Variants in XXYLT1 observed in about 807,000 individuals in gnomAD.
XXYLT1 encodes the protein UDP-xylose:alpha-xyloside alpha-1,3-xylosyltransferase.
Under a neutral mutation model 28.9 loss-of-function variants are expected in XXYLT1, and 20 were observed. The observed-to-expected ratio is 0.69, with a 90% CI of 0.49 to 1.00. The LOEUF is 1.00. Among genes scored for constraint, XXYLT1 ranks in the 50% least tolerant of loss-of-function variants. XXYLT1 has a pLI of 0.00. For synonymous variants in XXYLT1, 257 were observed against 253.8 expected, an observed-to-expected ratio of 1.01 and a Z score of -0.12; for missense variants, 542 against 560.1, an observed-to-expected ratio of 0.97 and a Z score of 0.33.
chr3:195,148,391 T>C (rs987549505), intron 3 of XXYLT1, among the ~76,000 whole-genome samples: 1 of 152,076 alleles, frequency 6.6e-6, no homozygotes, highest in African/African-American at 2.4e-5. Flanking sequence ...CAAGCTTTTT[T>C]CTCCTTTACT....
intron 2 of XXYLT1, among the ~76,000 whole-genome samples, chr3:195,177,618 GCAGTAGCC>G (rs1721733696): frequency 6.6e-6 from 1 of 152,042 alleles, no homozygotes. Context: ...ACCTGCCTTA[GCAGTAGCC>G]TCAAAAAATG....
chr3:195,212,654 C>A (rs573632513), intron 2 of XXYLT1, among the ~76,000 whole-genome samples: 2 of 152,304 alleles, frequency 1.3e-5, no homozygotes, highest in East Asian at 3.9e-4. Context: ...ACTGCGCATG[C>A]GAGGGATCTA....
At chr3:195,212,409 G>C (rs563115781) in intron 2 of XXYLT1, among the ~76,000 whole-genome samples, 1 of 152,336 alleles carries the variant, frequency 6.6e-6, no homozygotes, top group South Asian at 2.1e-4. Context: ...TGGCCTTTTG[G>C]GGACACACAG....
rs1309512804 is a variant in XXYLT1 at position 195,252,717 on chromosome 3, C to CAGAGAG, written c.504+17837_504+17838insCTCTCT. 3.1e-3 allele frequency among the ~76,000 whole-genome samples: 439 copies of CAGAGAG among 139,442 alleles called. 1 individual carries two copies. The highest frequency in any genetic ancestry group is 0.013 in the African/African-American group (403 of 32,232). The allele number at this position is 139,442 out of a possible 152,430, so 91.5% of individuals were successfully genotyped here. The stretch of plus-strand genomic sequence containing the variant: ...CCACACACACACACACACACACACA[C>CAGAGAG]ACACACACACAGAGAGAGAGAGAGA... On this transcript the variant is annotated intron_variant, in intron 1 of 3. Coordinates refer to ENST00000310380, the MANE Select transcript of XXYLT1 (RefSeq NM_152531.5).
intron 3 of XXYLT1, among the ~76,000 whole-genome samples, chr3:195,097,357 T>C (rs1286823149): frequency 6.6e-6 from 1 of 152,120 alleles, no homozygotes; most frequent in African/African-American, 2.4e-5. Flanking sequence ...GTGACGCGGG[T>C]TACAGCAATG....
At position 195,069,528 on chromosome 3, in the gene XXYLT1, G is replaced by A; in HGVS notation, c.*187C>T. The A allele has an allele frequency of 1.3e-6, 1 of 775,328 alleles. No individual in the cohort carries two copies. The highest frequency in any genetic ancestry group is 1.7e-5 in the African/African-American group (1 of 57,400). The allele number at this position is 775,328 out of a possible 1,614,324, so 48.0% of individuals were successfully genotyped here. A position where few individuals can be genotyped will look rare whatever the true frequency, so the allele number is the denominator to read the frequency against. ...GAATAAGGTCCCAAGCACCAGCAGT[G>A]CACAGGCCAGTCCTTGGCGGGTGGC... On this transcript the variant is annotated 3_prime_UTR_variant, in exon 4 of 4. Transcript: ENST00000310380.
At chr3:195,245,191 C>T (rs1381518887) in intron 1 of XXYLT1, among the ~76,000 whole-genome samples, 1 of 145,572 alleles carries the variant, frequency 6.9e-6, no homozygotes, top group African/African-American at 2.6e-5. Flanking sequence ...GACGGAGTCT[C>T]GCTCTGTCAC....
chr3:195,083,829 C>A (rs1444529980), intron 3 of XXYLT1, among the ~76,000 whole-genome samples: 1 of 152,110 alleles, frequency 6.6e-6, no homozygotes, highest in African/African-American at 2.4e-5. Flanking sequence ...AGTTTGAGAC[C>A]AGCCCGGCCA....
chr3:195,233,940 GGA>G (rs779862323), intron 1 of XXYLT1, among the ~76,000 whole-genome samples: 12 of 151,974 alleles, frequency 7.9e-5, no homozygotes, highest in Non-Finnish European at 1.6e-4. Flanking sequence ...TGTTTGAGAT[GGA>G]GTCTCACTCT....
Position 195,133,327 on chromosome 3 carries a change from C to G in XXYLT1, c.785+23122G>C, listed in dbSNP as rs549765465. 1.3e-5 allele frequency among the ~76,000 whole-genome samples: 2 copies of G among 152,176 alleles called. No individual in the cohort carries two copies. Among genetic ancestry groups the G allele is most frequent in the South Asian group, 4.1e-4 (2 of 4,824 alleles). Reference sequence around the variant, plus strand: ...TGACATCGGCAGGTGGATAACTGAGCCAGCCCTTGGGGTGGGGAGTGGGAG... The same window carrying G: ...TGACATCGGCAGGTGGATAACTGAGGCAGCCCTTGGGGTGGGGAGTGGGAG... On this transcript the variant is annotated intron_variant, in intron 3 of 3. Coordinates refer to ENST00000310380, the MANE Select transcript of XXYLT1 (RefSeq NM_152531.5). This position sits in a 1 kb window ranked among gnomAD's most constrained non-coding sequence, Gnocchi z 4.4.
At chr3:195,082,511 C>T (rs62290270) in intron 3 of XXYLT1, among the ~76,000 whole-genome samples, 1,857 of 152,262 alleles carry the variant, frequency 0.012, 14 homozygotes, top group Non-Finnish European at 0.02. Flanking sequence ...CATAAACACA[C>T]GGAACCTCGT....
chr3:195,211,188 G>A (rs373912029), intron 2 of XXYLT1, among the ~76,000 whole-genome samples: 2 of 152,246 alleles, frequency 1.3e-5, no homozygotes, highest in African/African-American at 4.8e-5. Context: ...AAGGTGAGGA[G>A]TTCGAGACCA....
chr3:195,244,956 G>A lies in XXYLT1; in HGVS notation c.505-18100C>T, dbSNP rs548873494. The stretch of plus-strand genomic sequence containing the variant: ...CAAGGTGGGTGGATCACCTGAGGTC[G>A]GGAGTTCAAGACCAGCCTGACCAAC... On this transcript the variant is annotated intron_variant, in intron 1 of 3. Coordinates refer to ENST00000310380, the MANE Select transcript of XXYLT1 (RefSeq NM_152531.5). Among the ~76,000 whole-genome samples, 10 of 149,360 alleles carry A rather than the reference G, an allele frequency of 6.7e-5. No individual in the cohort carries two copies. In the South Asian group the frequency reaches 8.5e-4, roughly 13 times the overall value.
At chr3:195,071,196 C>G (rs1392688507) in intron 3 of XXYLT1, among the ~76,000 whole-genome samples, 1 of 152,178 alleles carries the variant, frequency 6.6e-6, no homozygotes, top group African/African-American at 2.4e-5. Context: ...CCCACTGTGG[C>G]AGGGACAGGC....
At chr3:195,206,366 C>T (rs567451430) in intron 2 of XXYLT1, among the ~76,000 whole-genome samples, 21 of 151,024 alleles carry the variant, frequency 1.4e-4, no homozygotes, top group Admixed American at 1.3e-3. Flanking sequence ...CCAAATGAAA[C>T]ATGTAGTCAA....
chr3:195,141,298 C>T lies in XXYLT1; in HGVS notation c.785+15151G>A, dbSNP rs114748958. 7.7e-3 allele frequency among the ~76,000 whole-genome samples: 1,169 copies of T among 152,298 alleles called. 18 individuals are homozygous for T. The highest frequency in any genetic ancestry group is 0.027 in the African/African-American group (1,102 of 41,552). ...CAAGAATAGTCCAACACTCCCCTTC[C>T]GGCTCTAACAGATGATAGGTCCAGA... On this transcript the variant is annotated intron_variant, in intron 3 of 3. Coordinates refer to ENST00000310380, the MANE Select transcript of XXYLT1 (RefSeq NM_152531.5).
intron 3 of XXYLT1, among the ~76,000 whole-genome samples, chr3:195,110,223 GTATA>G (rs1560100407): frequency 8.4e-5 from 4 of 47,390 alleles, no homozygotes; most frequent in East Asian, 3.4e-4. Context: ...CGTGTGTGGT[GTATA>G]AGTGTGTGGT....
At chr3:195,156,339 T>C in intron 3 of XXYLT1, 110 bp downstream of exon 3, 1 of 1,520,262 alleles carries the variant, frequency 6.6e-7, no homozygotes, top group Non-Finnish European at 8.8e-7. Context: ...AGATACTAAG[T>C]GCAGAAGGAT....
At chr3:195,243,979 T>C (rs531471641) in intron 1 of XXYLT1, among the ~76,000 whole-genome samples, 37 of 152,326 alleles carry the variant, frequency 2.4e-4, no homozygotes, top group African/African-American at 8.7e-4. Context: ...CCTACTTTAC[T>C]GACAGTTCAA....
Sources: gnomAD v4.1 joint callset for allele counts (sites outside exome capture counted in the v4.1 genomes callset) on GRCh38, gnomAD v4.1.1 for gene constraint, Gnocchi (gnomAD v3.1) non-coding constraint, MANE v1.5 for transcripts, NCBI Gene and HGNC (gene_info 2026-07-23, HGNC 2026-07-21) for gene names.